NUDT2: variants seen among roughly 807,000 people sequenced by gnomAD.
NUDT2 encodes the protein bis(5'-nucleosyl)-tetraphosphatase [asymmetrical].
In NUDT2, 12 loss-of-function variants were observed where a neutral mutation model predicts 14.2. The observed-to-expected ratio is 0.84, with a 90% CI of 0.54 to 1.37. The LOEUF is 1.37. Ranked by LOEUF, NUDT2 falls within the 40% of genes most tolerant of loss-of-function variation. The pLI is 0.00. For missense variants in NUDT2, 167 were observed against 176.7 expected (o/e 0.95, Z 0.31); for synonymous variants, 67 against 67.4 (o/e 0.99, Z 0.03).
intron 4 of NUDT2, among the ~76,000 whole-genome samples, chr9:34,341,296 T>C (rs971725190): frequency 6.6e-6 from 1 of 152,192 alleles, no homozygotes; most frequent in African/African-American, 2.4e-5. Flanking sequence ...TAGATGCCCC[T>C]GGGAGGGGTG....
At chr9:34,342,710 G>A (rs1172606891) in intron 4 of NUDT2, among the ~76,000 whole-genome samples, 2 of 151,978 alleles carry the variant, frequency 1.3e-5, no homozygotes, top group East Asian at 1.9e-4. Context: ...GCTTCCTTTA[G>A]CAACACCTAG....
chr9:34,337,902 A>C (rs1838131105), intron 2 of NUDT2, among the ~76,000 whole-genome samples: 1 of 151,776 alleles, frequency 6.6e-6, no homozygotes, highest in Non-Finnish European at 1.5e-5. Context: ...CAGTGGCCCG[A>C]TCTCGGCTCA....
chr9:34,332,032 T>G (rs534407519), intron 1 of NUDT2, among the ~76,000 whole-genome samples: 2 of 152,372 alleles, frequency 1.3e-5, no homozygotes, highest in African/African-American at 4.8e-5. Flanking sequence ...AACTGGTCTG[T>G]TGCAATAGAC....
At chr9:34,333,041 T>C (rs1837988851) in intron 1 of NUDT2, among the ~76,000 whole-genome samples, 1 of 152,154 alleles carries the variant, frequency 6.6e-6, no homozygotes, top group African/African-American at 2.4e-5. Flanking sequence ...AACAGTTGGC[T>C]TTCCTCCTCA....
At chr9:34,331,819 A>G (rs1205229787) in intron 1 of NUDT2, among the ~76,000 whole-genome samples, 1 of 152,224 alleles carries the variant, frequency 6.6e-6, no homozygotes, top group Non-Finnish European at 1.5e-5. Flanking sequence ...ACTTGTCCCA[A>G]ACAAATGCTT....
chr9:34,332,532 G>A (rs899053421), intron 1 of NUDT2, among the ~76,000 whole-genome samples: 2 of 152,146 alleles, frequency 1.3e-5, no homozygotes, highest in Non-Finnish European at 2.9e-5. Flanking sequence ...CAAATTCCCC[G>A]AGTTAGCTTT....
chr9:34,336,740 C>T (rs1838097775), intron 2 of NUDT2, among the ~76,000 whole-genome samples: 1 of 151,954 alleles, frequency 6.6e-6, no homozygotes, highest in Non-Finnish European at 1.5e-5. Context: ...GACAAGGTCT[C>T]ACTGTGTTGT....
chr9:34,332,034 G>A (rs1391968657), intron 1 of NUDT2, among the ~76,000 whole-genome samples: 1 of 152,146 alleles, frequency 6.6e-6, no homozygotes, highest in Non-Finnish European at 1.5e-5. Flanking sequence ...CTGGTCTGTT[G>A]CAATAGACTT....
At chr9:34,337,299 C>T (rs535845363) in intron 2 of NUDT2, among the ~76,000 whole-genome samples, 34 of 152,264 alleles carry the variant, frequency 2.2e-4, no homozygotes, top group African/African-American at 8.2e-4. Context: ...TGTGCCCGGC[C>T]CGTTGTGTGT....
chr9:34,338,410 A>G (rs1587991827), intron 2 of NUDT2, among the ~76,000 whole-genome samples: 1 of 133,642 alleles, frequency 7.5e-6, no homozygotes, highest in Admixed American at 7.9e-5. Context: ...TGAGAGGTTG[A>G]GGTGGGAGGT....
In NUDT2 at chr9:34,343,241, A is replaced by C. The variant is rs746045196; in HGVS notation, c.245A>C (p.Tyr82Ser). The C allele has an allele frequency of 6.2e-7, 1 of 1,613,948 alleles. No homozygotes were observed. Among genetic ancestry groups the C allele is most frequent in the Admixed American group, 1.7e-5 (1 of 59,958 alleles). ...GAGGGGTTCAAAAGGGAACTCAATTATGTGGCCAGGAACAAGCCTAAAACA... is the reference window on the plus strand; with the variant it reads ...GAGGGGTTCAAAAGGGAACTCAATTCTGTGGCCAGGAACAAGCCTAAAACA... ...IIEGFKRELN[Y>S]VARNKPKTVI... is the part of the protein sequence containing the mutation. The change falls in exon 5 of 5, where the codon TAT becomes TCT. Residue 82 changes from tyrosine to serine, a missense_variant. Transcript: ENST00000379158.
At chr9:34,335,061 C>G (rs1274211891) in intron 1 of NUDT2, among the ~76,000 whole-genome samples, 2 of 152,172 alleles carry the variant, frequency 1.3e-5, no homozygotes, top group East Asian at 3.8e-4. Flanking sequence ...CCCAGCACCC[C>G]TAGCTCCTAC....
chr9:34,342,070 G>T (rs1201269358), intron 4 of NUDT2, among the ~76,000 whole-genome samples: 1 of 152,200 alleles, frequency 6.6e-6, no homozygotes. Context: ...GCTCCAGTCT[G>T]CAGAGCTTCA....
At chr9:34,338,456 C>T (rs1375835715) in intron 2 of NUDT2, among the ~76,000 whole-genome samples, 2 of 147,162 alleles carry the variant, frequency 1.4e-5, no homozygotes, top group African/African-American at 5.0e-5. Flanking sequence ...TGCAGTGAGC[C>T]ATGATCACAC....
chr9:34,336,683 A>T (rs10972064), intron 2 of NUDT2, among the ~76,000 whole-genome samples: 25,555 of 152,094 alleles, frequency 0.17, 2,470 homozygotes, highest in East Asian at 0.45. Context: ...CTGGAAGTAC[A>T]GGTGCATGCC....
intron 1 of NUDT2, among the ~76,000 whole-genome samples, chr9:34,329,849 G>C (rs1321861955): frequency 7.1e-6 from 1 of 141,328 alleles, no homozygotes; most frequent in African/African-American, 2.7e-5. Flanking sequence ...TCGGAGTGGG[G>C]ATAGGGTGGG....
chr9:34,337,333 T>C (rs573214801), intron 2 of NUDT2, among the ~76,000 whole-genome samples: 2 of 152,302 alleles, frequency 1.3e-5, no homozygotes, highest in East Asian at 1.9e-4. Flanking sequence ...ATATTTCTTA[T>C]GTGAGAGTGG....
intron 1 of NUDT2, among the ~76,000 whole-genome samples, chr9:34,331,434 G>C (rs1285132761): frequency 1.3e-5 from 2 of 152,184 alleles, no homozygotes; most frequent in African/African-American, 4.8e-5. Context: ...TAAGTATCTT[G>C]CTCTATTAAC....
At chr9:34,331,697 T>A (rs1013226695) in intron 1 of NUDT2, among the ~76,000 whole-genome samples, 1 of 152,222 alleles carries the variant, frequency 6.6e-6, no homozygotes, top group South Asian at 2.1e-4. Context: ...AAAATAATTT[T>A]AAAAAAGTAA....
Sources: allele counts gnomAD v4.1 joint callset (sites outside exome capture counted in the v4.1 genomes callset), GRCh38; gene constraint gnomAD v4.1.1; transcripts MANE v1.5; gene names NCBI Gene and HGNC (gene_info 2026-07-23, HGNC 2026-07-21).